NLGN1: variants seen among roughly 807,000 people sequenced by gnomAD.
The protein encoded by NLGN1 is neuroligin 1.
NLGN1 carries 12 observed loss-of-function variants against 65.5 expected under a neutral mutation model. The observed-to-expected ratio is 0.18, with a 90% CI of 0.12 to 0.30. The LOEUF is 0.30. Among genes scored for constraint, NLGN1 ranks in the 10% least tolerant of loss-of-function variants. The pLI is 1.00. For synonymous variants in NLGN1, 350 were observed against 359.5 expected (o/e 0.97, Z 0.30); for missense variants, 750 against 1,007.1 (o/e 0.74, Z 3.46).
chr3:174,120,511 A>T (rs1717545865), intron 4 of NLGN1, among the ~76,000 whole-genome samples: 1 of 152,248 alleles, frequency 6.6e-6, no homozygotes, highest in African/African-American at 2.4e-5. Flanking sequence ...TGTCTCAAAA[A>T]AAAAATAAAA....
chr3:174,008,211 T>C (rs1304823996), intron 4 of NLGN1, among the ~76,000 whole-genome samples: 3 of 152,054 alleles, frequency 2.0e-5, no homozygotes, highest in Non-Finnish European at 4.4e-5. Flanking sequence ...AGGAAAAAGA[T>C]TAATAGAAAG....
At chr3:173,690,714 T>C (rs1049885218) in intron 3 of NLGN1, among the ~76,000 whole-genome samples, 3 of 152,192 alleles carry the variant, frequency 2.0e-5, no homozygotes, top group African/African-American at 7.2e-5. Flanking sequence ...TGCTTCCGTT[T>C]ACAGCAGCAC....
At chr3:174,259,750 T>C (rs1311365330) in intron 4 of NLGN1, among the ~76,000 whole-genome samples, 1 of 151,664 alleles carries the variant, frequency 6.6e-6, no homozygotes, top group East Asian at 1.9e-4. Context: ...TAGTTACATA[T>C]GTATACATGT....
intron 4 of NLGN1, among the ~76,000 whole-genome samples, chr3:174,104,561 G>A (rs934842713): frequency 1.3e-5 from 2 of 152,082 alleles, no homozygotes; most frequent in Non-Finnish European, 2.9e-5. Context: ...AGTTAGACAC[G>A]TAGGAACATT....
rs141203257 is a variant in NLGN1 at position 174,197,506 on chromosome 3, G to A, written c.647-77809G>A. Reference sequence around the variant, plus strand: ...AAGGAGAATGGCTTTCTTGAGCTACGGTACTTAACCTCAAAAAAAAAAAAA... The same window carrying A: ...AAGGAGAATGGCTTTCTTGAGCTACAGTACTTAACCTCAAAAAAAAAAAAA... On this transcript the variant is annotated intron_variant, in intron 4 of 6. Transcript: ENST00000457714. Among the ~76,000 whole-genome samples, 7 of 115,810 alleles carry A rather than the reference G, an allele frequency of 6.0e-5. No individual in the cohort carries two copies. The East Asian group carries it at 6.8e-4, about 11-fold the overall frequency. 76.0% of individuals were successfully genotyped at this position (115,810 alleles called of 152,430 possible).
At chr3:173,493,150 A>C (rs896340464) in intron 2 of NLGN1, among the ~76,000 whole-genome samples, 1 of 151,798 alleles carries the variant, frequency 6.6e-6, no homozygotes, top group Non-Finnish European at 1.5e-5. Context: ...GGTATTATCA[A>C]CTTCATTTTA....
At chr3:174,117,723 T>G (rs916399100) in intron 4 of NLGN1, among the ~76,000 whole-genome samples, 3 of 152,186 alleles carry the variant, frequency 2.0e-5, no homozygotes. Flanking sequence ...GAAACCTCTT[T>G]GCAACACACC....
At position 173,726,940 on chromosome 3, in the gene NLGN1, C is replaced by CA. The variant is rs5854531; in HGVS notation, c.494-80727dup. On this transcript the variant is annotated intron_variant, in intron 3 of 6. Coordinates refer to ENST00000457714, the Ensembl canonical transcript of NLGN1. ...TGCGATTCACTTTCCATTTCCTTAC[C>CA]AAAAAAAAAAAAAGAAGAAGAAGAA... 7.0e-3 allele frequency among the ~76,000 whole-genome samples: 938 copies of CA among 134,092 alleles called. 12 individuals are homozygous for CA. Among genetic ancestry groups the CA allele is most frequent in the African/African-American group, 0.025 (891 of 35,784 alleles). The allele number at this position is 134,092 out of a possible 152,430, so 88.0% of individuals were successfully genotyped here.
intron 1 of NLGN1, among the ~76,000 whole-genome samples, chr3:173,401,263 G>A (rs1248478786): frequency 1.4e-5 from 2 of 147,556 alleles, no homozygotes; most frequent in African/African-American, 5.0e-5. Context: ...AGTATCTCCA[G>A]ACATTGCCAA....
chr3:174,014,321 C>T (rs1205212627), intron 4 of NLGN1, among the ~76,000 whole-genome samples: 2 of 152,166 alleles, frequency 1.3e-5, no homozygotes, highest in East Asian at 3.8e-4. Flanking sequence ...TCTTAATACA[C>T]CATTTTAATG....
At chr3:173,993,443 C>A (rs1272216332) in intron 4 of NLGN1, among the ~76,000 whole-genome samples, 3 of 152,100 alleles carry the variant, frequency 2.0e-5, no homozygotes, top group African/African-American at 7.2e-5. Flanking sequence ...TGTTCCAGAG[C>A]AGATACAAAT....
chr3:173,974,565 A>AG (rs1716997937), intron 4 of NLGN1, among the ~76,000 whole-genome samples: 1 of 152,022 alleles, frequency 6.6e-6, no homozygotes, highest in African/African-American at 2.4e-5. Flanking sequence ...TTGTGATTTG[A>AG]GGTGGGAAGA....
chr3:174,110,247 A>G (rs1714895237), intron 4 of NLGN1, among the ~76,000 whole-genome samples: 1 of 151,942 alleles, frequency 6.6e-6, no homozygotes, highest in Non-Finnish European at 1.5e-5. Context: ...ATTTCCCTGT[A>G]GATTTGTGCT....
At chr3:173,734,496 A>C (rs1017621247) in intron 3 of NLGN1, among the ~76,000 whole-genome samples, 2 of 146,672 alleles carry the variant, frequency 1.4e-5, no homozygotes, top group African/African-American at 5.1e-5. Context: ...CCCTGGGCTC[A>C]AGTCGTTCTC....
At chr3:174,269,330 T>C (rs1577711381) in intron 4 of NLGN1, among the ~76,000 whole-genome samples, 1 of 152,044 alleles carries the variant, frequency 6.6e-6, no homozygotes, top group East Asian at 1.9e-4. Context: ...AAATACTAAT[T>C]CCCCCTTCCC....
intron 4 of NLGN1, among the ~76,000 whole-genome samples, chr3:173,947,460 T>A (rs1389182941): frequency 1.3e-5 from 2 of 152,240 alleles, no homozygotes; most frequent in Admixed American, 1.3e-4. Flanking sequence ...TACTGTATTA[T>A]GAAGCTATAT....
chr3:173,862,505 CAAAAAAAAAAAAAA>C lies in NLGN1; in HGVS notation c.646+54685_646+54698del, dbSNP rs10601211. Among the ~76,000 whole-genome samples the C allele has an allele frequency of 2.1e-3, 88 of 41,724 alleles. 1 individual carries two copies. Among genetic ancestry groups the C allele is most frequent in the African/African-American group, 6.1e-3 (88 of 14,396 alleles). The allele number at this position is 41,724 out of a possible 152,430, so 27.4% of individuals were successfully genotyped here. ...TGGGCGACAGAGCGAGACTCCGTCT[CAAAAAAAAAAAAAA>C]AAAAAAAAAAAGAAAATGAAAACAT... On this transcript the variant is annotated intron_variant, in intron 4 of 6. Coordinates refer to ENST00000457714, the Ensembl canonical transcript of NLGN1.
intron 1 of NLGN1, among the ~76,000 whole-genome samples, chr3:173,402,896 A>G (rs906858381): frequency 6.6e-6 from 1 of 152,112 alleles, no homozygotes; most frequent in Non-Finnish European, 1.5e-5. Context: ...GGGCTGGGGA[A>G]GAGGTCTGTT....
At chr3:173,833,563 AGGCTGGTGTGCAGTGGCACAATCTC>A (rs533103221) in intron 4 of NLGN1, among the ~76,000 whole-genome samples, 330 of 152,028 alleles carry the variant, frequency 2.2e-3, no homozygotes, top group Non-Finnish European at 3.9e-3. Flanking sequence ...TTTCTTGTCC[AGGCTGGTGTGCAGTGGCACAATCTC>A]GGCTCACTGC....
Sources: allele counts gnomAD v4.1 joint callset (sites outside exome capture counted in the v4.1 genomes callset), GRCh38; gene constraint gnomAD v4.1.1; transcripts MANE v1.5; gene names NCBI Gene and HGNC (gene_info 2026-07-23, HGNC 2026-07-21).